ZNRF3: variants seen among roughly 807,000 people sequenced by gnomAD.
The protein encoded by ZNRF3 is zinc and ring finger 3.
Under a neutral mutation model 72.5 loss-of-function variants are expected in ZNRF3, and 23 were observed. The observed-to-expected ratio is 0.32, with a 90% CI of 0.23 to 0.45. The LOEUF (loss-of-function observed/expected upper bound fraction) is 0.45. Among genes scored for constraint, ZNRF3 ranks in the 20% least tolerant of loss-of-function variants. The pLI is 1.00. For missense variants in ZNRF3, 1,169 were observed against 1,272.1 expected, an observed-to-expected ratio of 0.92 and a Z score of 1.23; for synonymous variants, 610 against 545.3, an observed-to-expected ratio of 1.12 and a Z score of -1.65.
intron 1 of ZNRF3, among the ~76,000 whole-genome samples, chr22:28,907,195 G>T (rs1322161117): frequency 7.0e-6 from 1 of 142,944 alleles, no homozygotes; most frequent in African/African-American, 2.6e-5. Flanking sequence ...GTTTCACCAT[G>T]TTGCCCAGGC....
chr22:29,050,106 G>A lies in ZNRF3; in HGVS notation c.1925G>A (p.Gly642Glu), dbSNP rs1481361586. Reference protein sequence around the residue: ...ELPAVHSHGAGRGEPWPGPAS... With the variant: ...ELPAVHSHGAERGEPWPGPAS... ...CCGGCGGTGCACAGTCATGGTGCTGGGCGGGGCGAGCCTTGGCCGGGCCCT... is the reference window on the plus strand; with the variant it reads ...CCGGCGGTGCACAGTCATGGTGCTGAGCGGGGCGAGCCTTGGCCGGGCCCT... The change falls in exon 8 of 9, where the codon GGG becomes GAG. Residue 642 changes from glycine to glutamate, a missense_variant. This residue lies in a region of ZNRF3 where 783 missense variants were observed against 731.4 expected (regional missense o/e 1.07). Coordinates refer to ENST00000544604, the MANE Select transcript of ZNRF3 (RefSeq NM_001206998.2). The A allele has an allele frequency of 1.9e-6, 3 of 1,608,030 alleles. No homozygotes were observed. The highest frequency in any genetic ancestry group is 1.1e-5 in the South Asian group (1 of 91,048).
chr22:28,927,105 C>CA lies in ZNRF3; in HGVS notation c.300+43053dup, dbSNP rs132552. ...ACTGCAACAGAGTGAGACTTCATCT[C>CA]AAAAAAAAAAAAAAGTGAATAAAAC... On this transcript the variant is annotated intron_variant, in intron 1 of 8. Coordinates refer to ENST00000544604, the MANE Select transcript of ZNRF3 (RefSeq NM_001206998.2). Among the ~76,000 whole-genome samples the CA allele has an allele frequency of 6.6e-3, 754 of 114,972 alleles. 6 individuals are homozygous for CA. Among genetic ancestry groups the CA allele is most frequent in the East Asian group, 0.062 (255 of 4,110 alleles). The allele number at this position is 114,972 out of a possible 152,430, so 75.4% of individuals were successfully genotyped here.
chr22:28,925,748 A>G (rs2034588978), intron 1 of ZNRF3, among the ~76,000 whole-genome samples: 1 of 152,136 alleles, frequency 6.6e-6, no homozygotes, highest in South Asian at 2.1e-4. Context: ...CAGTGGAGCA[A>G]TCATGAATCA....
At chr22:28,933,992 C>G (rs1487129283) in intron 1 of ZNRF3, among the ~76,000 whole-genome samples, 1 of 151,752 alleles carries the variant, frequency 6.6e-6, no homozygotes, top group African/African-American at 2.4e-5. Flanking sequence ...CTCTCCAGGT[C>G]ATTCATATTT....
intron 2 of ZNRF3, among the ~76,000 whole-genome samples, chr22:29,040,443 A>G (rs1349684413): frequency 6.6e-6 from 1 of 151,586 alleles, no homozygotes; most frequent in Non-Finnish European, 1.5e-5. Context: ...AGCCTCTCAG[A>G]ATGCTGGGAT....
intron 1 of ZNRF3, among the ~76,000 whole-genome samples, chr22:28,971,482 G>A (rs1200064415): frequency 6.6e-6 from 1 of 152,160 alleles, no homozygotes; most frequent in Non-Finnish European, 1.5e-5. Flanking sequence ...AAGACAGCTA[G>A]CATGAAAGTG....
At chr22:28,992,916 G>C (rs1448143505) in intron 2 of ZNRF3, 1 of 152,052 alleles carries the variant, frequency 6.6e-6, no homozygotes, top group African/African-American at 2.4e-5. Flanking sequence ...GTTTTACAGA[G>C]TGGGGGTTGT....
At position 28,958,778 on chromosome 22, in the gene ZNRF3, T is replaced by G. The variant is rs115099169; in HGVS notation, c.301-28298T>G. 2.4e-3 allele frequency among the ~76,000 whole-genome samples: 370 copies of G among 152,310 alleles called. 1 individual carries two copies. The highest frequency in any genetic ancestry group is 7.8e-3 in the African/African-American group (324 of 41,570). On this transcript the variant is annotated intron_variant, in intron 1 of 8. Coordinates refer to ENST00000544604, the MANE Select transcript of ZNRF3 (RefSeq NM_001206998.2). Reference sequence around the variant, plus strand: ...AGGAAGGTGATTCATTAGACTTCATTAGACATACTTCCCAGTTCAGCTTCT... The same window carrying G: ...AGGAAGGTGATTCATTAGACTTCATGAGACATACTTCCCAGTTCAGCTTCT...
intron 2 of ZNRF3, among the ~76,000 whole-genome samples, chr22:29,040,493 CTT>C (rs563459735): frequency 2.7e-5 from 4 of 145,940 alleles, no homozygotes; most frequent in African/African-American, 5.0e-5. Flanking sequence ...CCCCCACCGC[CTT>C]TTTTTTTTTT....
At chr22:29,051,049 G>C (rs910211328) in intron 8 of ZNRF3, 101 bp downstream of exon 8, 1 of 1,326,824 alleles carries the variant, frequency 7.5e-7, no homozygotes, top group Non-Finnish European at 1.0e-6. Flanking sequence ...TTGTGTCCTT[G>C]GTTTTAAACA....
chr22:28,894,512 G>T (rs1334262292), intron 1 of ZNRF3, among the ~76,000 whole-genome samples: 2 of 152,124 alleles, frequency 1.3e-5, no homozygotes, highest in Non-Finnish European at 2.9e-5. Context: ...TGTCCAGGCA[G>T]ATGGCCATGC....
At chr22:29,000,409 T>A (rs1436796439) in intron 2 of ZNRF3, among the ~76,000 whole-genome samples, 1 of 152,224 alleles carries the variant, frequency 6.6e-6, no homozygotes, top group African/African-American at 2.4e-5. Flanking sequence ...TTGGCTTGAT[T>A]TTTAGAAGTT....
intron 1 of ZNRF3, among the ~76,000 whole-genome samples, chr22:28,949,072 C>T (rs531968383): frequency 9.4e-4 from 141 of 150,354 alleles, no homozygotes; most frequent in African/African-American, 3.4e-3. Flanking sequence ...CTCTGCCTTC[C>T]GGGTTCAATC....
In ZNRF3 at chr22:29,055,321, G is replaced by A. The variant is rs781609617; in HGVS notation, c.*1699G>A. Reference sequence around the variant, plus strand: ...GCCATCTGAAAGAACTGGCCCAGTGGGTCTGAAAGCTCGCTTGAGAATAGG... The same window carrying A: ...GCCATCTGAAAGAACTGGCCCAGTGAGTCTGAAAGCTCGCTTGAGAATAGG... On this transcript the variant is annotated 3_prime_UTR_variant, in exon 9 of 9. Coordinates refer to ENST00000544604, the MANE Select transcript of ZNRF3 (RefSeq NM_001206998.2). 1 of 152,098 alleles carries A rather than the reference G, an allele frequency of 6.6e-6. No individual in the cohort carries two copies. Among genetic ancestry groups the A allele is most frequent in the East Asian group, 1.9e-4 (1 of 5,196 alleles). The allele number at this position is 152,098 out of a possible 1,614,324, so 9.4% of individuals were successfully genotyped here. A position where few individuals can be genotyped will look rare whatever the true frequency, so the allele number is the denominator to read the frequency against.
At chr22:29,006,961 A>G (rs1301438436) in intron 2 of ZNRF3, among the ~76,000 whole-genome samples, 4 of 152,272 alleles carry the variant, frequency 2.6e-5, no homozygotes, top group Non-Finnish European at 5.9e-5. Flanking sequence ...TGAAAAGCAA[A>G]CTGAAGAAGA....
intron 1 of ZNRF3, chr22:28,917,541 T>G (rs1395650852): frequency 1.2e-5 from 9 of 760,536 alleles, no homozygotes; most frequent in Non-Finnish European, 1.4e-5. Context: ...GGCTGAAGAA[T>G]TTGAAGAGTA....
chr22:29,048,615 C>A lies in ZNRF3; in HGVS notation c.1015+124C>A. 1 of 928,062 alleles carries A rather than the reference C, an allele frequency of 1.1e-6. No individual in the cohort carries two copies. The highest frequency in any genetic ancestry group is 1.7e-6 in the Non-Finnish European group (1 of 598,070). The allele number at this position is 928,062 out of a possible 1,614,324, so 57.5% of individuals were successfully genotyped here. On this transcript the variant is annotated intron_variant, in intron 7 of 8. Transcript: ENST00000544604. This position sits in a 1 kb window ranked among gnomAD's most constrained non-coding sequence, Gnocchi z 4.9. The stretch of plus-strand genomic sequence containing the variant: ...CTGCCCTCTGGACTTGGAGGCCTGG[C>A]AGCCCTGGGTTTTGGAGGTTGTCTG...
rs779844636 is a variant in ZNRF3 at position 29,049,481 on chromosome 22, G to A, written c.1300G>A (p.Gly434Ser). 5.7e-5 allele frequency: 91 copies of A among 1,604,564 alleles called. No homozygotes were observed. Among genetic ancestry groups the A allele is most frequent in the Non-Finnish European group, 7.6e-5 (90 of 1,179,708 alleles). The change falls in exon 8 of 9, where the codon GGC (glycine) becomes AGC (serine). Residue 434 changes from glycine to serine, a missense_variant. Gly to Ser is a moderately conservative substitution (Grantham distance 56). Transcript: ENST00000544604. This position sits in a 1 kb window ranked among gnomAD's most constrained non-coding sequence, Gnocchi z 5.2. ...CCACAGCCTGGCCGCTCACCGCTGC[G>A]GCCTGGAGCACCGGGCCTACTCCCC... is the stretch of plus-strand genomic sequence containing the variant. Reference protein sequence around the residue: ...LDHSLAAHRCGLEHRAYSPAH... With the variant: ...LDHSLAAHRCSLEHRAYSPAH...
At chr22:29,000,929 T>G (rs996419644) in intron 2 of ZNRF3, among the ~76,000 whole-genome samples, 1 of 151,664 alleles carries the variant, frequency 6.6e-6, no homozygotes, top group African/African-American at 2.4e-5. Flanking sequence ...GCTGGGACTA[T>G]AGGCACGCCC....
Sources: gnomAD v4.1 joint callset for allele counts (sites outside exome capture counted in the v4.1 genomes callset) on GRCh38, gnomAD v4.1.1 for gene constraint, gnomAD v4.1.1 regional missense constraint, Gnocchi (gnomAD v3.1) non-coding constraint, MANE v1.5 for transcripts, NCBI Gene and HGNC (gene_info 2026-07-23, HGNC 2026-07-21) for gene names.